The following MAP3K2 variants were observed in gnomAD, a reference collection of about 807,000 sequenced individuals.
The protein encoded by MAP3K2 is mitogen-activated protein kinase kinase kinase 2.
Under a neutral mutation model 80.3 loss-of-function variants are expected in MAP3K2, and 24 were observed. The observed-to-expected ratio is 0.30, with a 90% CI of 0.22 to 0.42. MAP3K2 has a LOEUF of 0.42. Ranked by LOEUF, MAP3K2 falls within the 10% of genes least tolerant of loss-of-function variation. MAP3K2 has a pLI of 1.00. For missense variants in MAP3K2, 608 were observed against 750.1 expected (o/e 0.81, Z 2.21); for synonymous variants, 244 against 253.7 (o/e 0.96, Z 0.36).
At position 127,330,598 on chromosome 2, in the gene MAP3K2, T is replaced by A. The variant is rs553922128; in HGVS notation, c.265-93A>T. ...TACTAAGGAATTACAAATGTCAAAATACCTTGCTCTTTGATTTGTTACTAT... is the reference window on the plus strand; with the variant it reads ...TACTAAGGAATTACAAATGTCAAAAAACCTTGCTCTTTGATTTGTTACTAT... On this transcript the variant is annotated intron_variant, in intron 5 of 16. Transcript: ENST00000682094. The A allele has an allele frequency of 2.2e-5, 13 of 578,322 alleles. No individual in the cohort carries two copies. In the South Asian group the frequency reaches 3.2e-4, roughly 14 times the overall value. 35.8% of individuals were successfully genotyped at this position (578,322 alleles called of 1,614,324 possible).
At chr2:127,367,549 T>G (rs1009217769) in intron 1 of MAP3K2, among the ~76,000 whole-genome samples, 2 of 152,110 alleles carry the variant, frequency 1.3e-5, no homozygotes, top group African/African-American at 4.8e-5. Flanking sequence ...TCCCAGCACT[T>G]TGGGAGGCTG....
In MAP3K2 at chr2:127,387,855, T is replaced by C; in HGVS notation, c.-469A>G. 4.1e-6 allele frequency: 4 copies of C among 984,474 alleles called. No homozygotes were observed. Among genetic ancestry groups the C allele is most frequent in the Non-Finnish European group, 4.8e-6 (4 of 829,604 alleles). 61.0% of individuals were successfully genotyped at this position (984,474 alleles called of 1,614,324 possible). A position where few individuals can be genotyped will look rare whatever the true frequency, so the allele number is the denominator to read the frequency against. The stretch of plus-strand genomic sequence containing the variant: ...GGGGCGCCGAGCGTCCTGGTCGTTG[T>C]TTTCGTCGCCGCCGCGGGCCGTGCA... On this transcript the variant is annotated 5_prime_UTR_variant, in exon 1 of 17. Transcript: ENST00000682094.
intron 2 of MAP3K2, among the ~76,000 whole-genome samples, chr2:127,341,822 A>G (rs978509381): frequency 5.9e-5 from 9 of 152,010 alleles, no homozygotes; most frequent in African/African-American, 2.2e-4. Context: ...ATGAGCCACC[A>G]CGCCCGGCCC....
rs1686527772 is a variant in MAP3K2, at chr2:127,343,018, T to C, written c.4+108A>G. On this transcript the variant is annotated intron_variant, in intron 2 of 16. Transcript: ENST00000682094. ...AACATTTCATAAATCTGCTATATCA[T>C]AAAATTTATTTATAAAAAGGTTTAT... is the stretch of plus-strand genomic sequence containing the variant. 5.0e-6 allele frequency: 4 copies of C among 792,902 alleles called. No homozygotes were observed. In the Admixed American group the frequency reaches 1.1e-4, roughly 22 times the overall value. The allele number at this position is 792,902 out of a possible 1,614,324, so 49.1% of individuals were successfully genotyped here.
chr2:127,386,039 C>G (rs974121381), intron 1 of MAP3K2, among the ~76,000 whole-genome samples: 2 of 151,902 alleles, frequency 1.3e-5, no homozygotes, highest in African/African-American at 4.8e-5. Flanking sequence ...ATCTGTAAAC[C>G]ATCCACATGT....
chr2:127,375,472 C>T (rs182847159), intron 1 of MAP3K2, among the ~76,000 whole-genome samples: 1,759 of 150,684 alleles, frequency 0.012, 32 homozygotes, highest in African/African-American at 0.041. Flanking sequence ...TGCAGTGGTG[C>T]GATCTGGGCT....
Position 127,307,807 on chromosome 2 carries a change from G to A in MAP3K2, c.1635-3C>T, listed in dbSNP as rs1465738942. 6 of 1,567,776 alleles carry A rather than the reference G, an allele frequency of 3.8e-6. No individual in the cohort carries two copies. The highest frequency in any genetic ancestry group is 1.7e-6 in the Non-Finnish European group (2 of 1,153,408). ...CTACCACAGTACATGCAACACTCCT[G>A]AAAAGAAACAAAAAGAAATACATTA... On this transcript the variant is annotated splice_polypyrimidine_tract_variant and splice_region_variant and intron_variant, in intron 16 of 16. Transcript: ENST00000682094. The surrounding 1 kb of genome is among the most constrained non-coding windows in gnomAD (Gnocchi z 5.4).
intron 1 of MAP3K2, among the ~76,000 whole-genome samples, chr2:127,362,592 T>A (rs1686910392): frequency 6.6e-6 from 1 of 152,202 alleles, no homozygotes; most frequent in Admixed American, 6.5e-5. Context: ...AAATTCTCAA[T>A]CTGTACCCTG....
intron 2 of MAP3K2, among the ~76,000 whole-genome samples, chr2:127,340,207 G>C (rs60517882): frequency 6.6e-6 from 1 of 151,972 alleles, no homozygotes; most frequent in East Asian, 1.9e-4. Flanking sequence ...CCTTCACCAA[G>C]GATTTTTTAT....
intron 1 of MAP3K2, among the ~76,000 whole-genome samples, chr2:127,363,784 G>A (rs551963030): frequency 1.8e-4 from 28 of 152,264 alleles, no homozygotes; most frequent in African/African-American, 6.5e-4. Context: ...AGCCTCCTGA[G>A]TAGCTAAGAC....
chr2:127,349,766 C>A (rs1573997099), intron 1 of MAP3K2, among the ~76,000 whole-genome samples: 1 of 152,170 alleles, frequency 6.6e-6, no homozygotes, highest in African/African-American at 2.4e-5. Context: ...ATACAAAATT[C>A]TCCTACCATA....
chr2:127,348,999 T>C (rs776670967), intron 1 of MAP3K2, among the ~76,000 whole-genome samples: 1 of 152,180 alleles, frequency 6.6e-6, no homozygotes, highest in Non-Finnish European at 1.5e-5. Context: ...AAAACAACCA[T>C]GTTATCCTTG....
At chr2:127,383,550 T>C (rs1687288722) in intron 1 of MAP3K2, among the ~76,000 whole-genome samples, 2 of 152,238 alleles carry the variant, frequency 1.3e-5, no homozygotes, top group South Asian at 2.1e-4. Flanking sequence ...ACTGGATTAT[T>C]TGTCAAATTC....
At chr2:127,341,203 T>C (rs950574517) in intron 2 of MAP3K2, among the ~76,000 whole-genome samples, 3 of 151,720 alleles carry the variant, frequency 2.0e-5, no homozygotes, top group African/African-American at 7.3e-5. Flanking sequence ...GTTAGCCAGG[T>C]TGGTCTCGAT....
At chr2:127,318,067 A>G in intron 13 of MAP3K2, 102 bp downstream of exon 13, 1 of 985,754 alleles carries the variant, frequency 1.0e-6, no homozygotes, top group Non-Finnish European at 1.4e-6. Context: ...TTTTTTGAAA[A>G]AAAATGCTTC....
At chr2:127,354,757 G>A (rs949747311) in intron 1 of MAP3K2, among the ~76,000 whole-genome samples, 3 of 152,014 alleles carry the variant, frequency 2.0e-5, no homozygotes, top group Non-Finnish European at 2.9e-5. Flanking sequence ...AGGAAAATGT[G>A]AGCCAGTCAA....
intron 1 of MAP3K2, among the ~76,000 whole-genome samples, chr2:127,382,554 A>T (rs1453196808): frequency 1.3e-5 from 2 of 152,214 alleles, no homozygotes; most frequent in Non-Finnish European, 2.9e-5. Context: ...GTTTTCTTAC[A>T]AATTGACTCA....
intron 13 of MAP3K2, 97 bp downstream of exon 13, chr2:127,318,072 T>C: frequency 1.1e-6 from 1 of 877,890 alleles, no homozygotes; most frequent in Non-Finnish European, 1.6e-6. Context: ...TGAAAAAAAA[T>C]GCTTCTTATT....
intron 1 of MAP3K2, among the ~76,000 whole-genome samples, chr2:127,384,541 G>A (rs1316911164): frequency 6.6e-6 from 1 of 152,196 alleles, no homozygotes; most frequent in Admixed American, 6.5e-5. Context: ...ACTTTGAGGG[G>A]TTTAAGACTT....
Sources: gnomAD v4.1 joint callset for allele counts (sites outside exome capture counted in the v4.1 genomes callset) on GRCh38, gnomAD v4.1.1 for gene constraint, Gnocchi (gnomAD v3.1) non-coding constraint, MANE v1.5 for transcripts, NCBI Gene and HGNC (gene_info 2026-07-23, HGNC 2026-07-21) for gene names.